Variants in LRRC36 observed in about 807,000 individuals in gnomAD.
LRRC36 encodes the protein leucine-rich repeat-containing protein 36.
A neutral mutation model predicts 81.1 loss-of-function variants in LRRC36; 62 were observed. That is an observed-to-expected ratio of 0.76 (90% confidence interval 0.62 to 0.94). The LOEUF (loss-of-function observed/expected upper bound fraction) is 0.94, where lower values mean the gene tolerates loss of function less well. Among genes scored for constraint, LRRC36 ranks in the 40% least tolerant of loss-of-function variants. The probability of loss-of-function intolerance (pLI) is 0.00; values close to 1 mark genes in which losing one functional copy is unlikely to be tolerated. For missense variants in LRRC36, 761 were observed against 881.7 expected, an observed-to-expected ratio of 0.86 and a Z score of 1.73; for synonymous variants, 334 against 348.6, an observed-to-expected ratio of 0.96 and a Z score of 0.47.
chr16:67,370,939 C>T lies in LRRC36; in HGVS notation c.1196-5C>T. On this transcript the variant is annotated splice_region_variant and splice_polypyrimidine_tract_variant and intron_variant, in intron 8 of 13. Coordinates refer to ENST00000329956, the MANE Select transcript of LRRC36 (RefSeq NM_018296.6). ...GGTTCATCTGTTAGCCTGTTTCCTC[C>T]ACAGATCTGTATGCCACAACCCATT... The T allele has an allele frequency of 6.2e-7, 1 of 1,608,614 alleles. No homozygotes were observed. The highest frequency in any genetic ancestry group is 8.5e-7 in the Non-Finnish European group (1 of 1,175,734).
intron 8 of LRRC36, 152 bp from the exon 9 acceptor site, chr16:67,370,792 G>T (rs1269259614): frequency 4.6e-6 from 3 of 656,534 alleles, no homozygotes; most frequent in African/African-American, 3.6e-5. Flanking sequence ...TGGACGGTTA[G>T]ATTTAACCAG....
At chr16:67,330,729 G>T (rs1357738065) in intron 1 of LRRC36, among the ~76,000 whole-genome samples, 2 of 152,092 alleles carry the variant, frequency 1.3e-5, no homozygotes, top group Admixed American at 6.6e-5. Context: ...GCCCGGCATG[G>T]TGGCAGGTGC....
In LRRC36 at chr16:67,326,843, C is replaced by T. The variant is rs780813837; in HGVS notation, c.-20C>T. On this transcript the variant is annotated 5_prime_UTR_variant, in exon 1 of 14. Coordinates refer to ENST00000329956, the MANE Select transcript of LRRC36 (RefSeq NM_018296.6). Reference sequence around the variant, plus strand: ...CGCCGGGTGGTCTCGCGGGCGGTGGCAGGTGAGCGGCGGGCGGGGATGGCG... The same window carrying T: ...CGCCGGGTGGTCTCGCGGGCGGTGGTAGGTGAGCGGCGGGCGGGGATGGCG... The T allele has an allele frequency of 1.5e-5, 22 of 1,420,974 alleles. No individual in the cohort carries two copies. The African/African-American group carries it at 3.0e-4, about 20-fold the overall frequency. 88.0% of individuals were successfully genotyped at this position (1,420,974 alleles called of 1,614,324 possible).
intron 8 of LRRC36, among the ~76,000 whole-genome samples, chr16:67,369,302 G>A (rs758873606): frequency 1.3e-5 from 2 of 152,146 alleles, no homozygotes; most frequent in Non-Finnish European, 2.9e-5. Context: ...AAGATAGAGG[G>A]GAAAAAGCCA....
At chr16:67,343,524 G>A (rs1184936069) in intron 2 of LRRC36, among the ~76,000 whole-genome samples, 1 of 151,834 alleles carries the variant, frequency 6.6e-6, no homozygotes, top group East Asian at 1.9e-4. Context: ...GTGAAACCCC[G>A]TCTCTACTAA....
chr16:67,338,236 A>G (rs1255846686), intron 1 of LRRC36, among the ~76,000 whole-genome samples: 1 of 152,148 alleles, frequency 6.6e-6, no homozygotes, highest in East Asian at 1.9e-4. Context: ...TTATGTTAAT[A>G]TAAATATTTC....
At position 67,350,228 on chromosome 16, in the gene LRRC36, G is replaced by C. The variant is rs1314858733; in HGVS notation, c.515G>C (p.Cys172Ser). The C allele has an allele frequency of 6.2e-7, 1 of 1,611,218 alleles. No homozygotes were observed. The highest frequency in any genetic ancestry group is 1.1e-5 in the South Asian group (1 of 90,962). The part of the protein sequence containing the change: ...KSSREKTMKN[C>S]VTGESSASKV... ...TCTAGGGAGAAGACAATGAAAAACT[G>C]TGTAACAGGTGAGAGCTCTGCATCA... is the stretch of plus-strand genomic sequence containing the variant. Residue 172 changes from cysteine to serine, a missense_variant, in exon 5 of 14, where the codon TGT (cysteine) becomes TCT (serine). Coordinates refer to ENST00000329956, the MANE Select transcript of LRRC36 (RefSeq NM_018296.6).
intron 2 of LRRC36, among the ~76,000 whole-genome samples, chr16:67,345,901 A>T (rs2038324358): frequency 6.6e-6 from 1 of 152,044 alleles, no homozygotes; most frequent in African/African-American, 2.4e-5. Context: ...AAAGTGAGAG[A>T]ATTCTAATGT....
intron 13 of LRRC36, 108 bp downstream of exon 13, chr16:67,382,355 A>C (rs2040144256): frequency 1.4e-6 from 1 of 721,548 alleles, no homozygotes; most frequent in South Asian, 1.9e-5. Flanking sequence ...AGTGAACTCC[A>C]TTCTGTGTGT....
intron 1 of LRRC36, among the ~76,000 whole-genome samples, chr16:67,341,077 T>G (rs1399717380): frequency 9.1e-6 from 1 of 109,646 alleles, no homozygotes; most frequent in Non-Finnish European, 1.8e-5. Flanking sequence ...GAATATGTAC[T>G]CTACATATTC....
intron 5 of LRRC36, among the ~76,000 whole-genome samples, chr16:67,361,047 T>A (rs2039121324): frequency 6.6e-6 from 1 of 152,214 alleles, no homozygotes; most frequent in Non-Finnish European, 1.5e-5. Context: ...AATCGTTCTC[T>A]CTTTCTTGTC....
chr16:67,362,362 C>G (rs2039192876), intron 5 of LRRC36: 1 of 322,312 alleles, frequency 3.1e-6, no homozygotes. Flanking sequence ...GGGATTTCAC[C>G]AGGCTGGCCA....
At chr16:67,372,708 T>C (rs1303212802) in intron 9 of LRRC36, among the ~76,000 whole-genome samples, 1 of 152,254 alleles carries the variant, frequency 6.6e-6, no homozygotes, top group Non-Finnish European at 1.5e-5. Flanking sequence ...TAGTTACTTA[T>C]TTTTCAGTTG....
At chr16:67,363,826 AT>A in intron 6 of LRRC36, 112 bp downstream of exon 6, 1 of 1,159,160 alleles carries the variant, frequency 8.6e-7, no homozygotes, top group Non-Finnish European at 1.2e-6. Context: ...TGATGAAGGC[AT>A]TTTAGACCCT....
chr16:67,364,402 T>C (rs1180678625), intron 6 of LRRC36, among the ~76,000 whole-genome samples: 1 of 152,210 alleles, frequency 6.6e-6, no homozygotes, highest in Non-Finnish European at 1.5e-5. Context: ...AGCAATAAAA[T>C]TGTAGAAAAT....
intron 12 of LRRC36, among the ~76,000 whole-genome samples, chr16:67,381,566 G>A (rs1045437849): frequency 8.5e-5 from 13 of 152,190 alleles, no homozygotes; most frequent in South Asian, 2.1e-4. Flanking sequence ...ACAGGGCTAA[G>A]GGGCAGGGTT....
chr16:67,384,781 C>A, intron 13 of LRRC36, 89 bp from the exon 14 acceptor site: 1 of 864,280 alleles, frequency 1.2e-6, no homozygotes, highest in Non-Finnish European at 1.9e-6. Context: ...GACTTCATTT[C>A]ACATTTGCCT....
chr16:67,344,202 A>G (rs889209983), intron 2 of LRRC36, among the ~76,000 whole-genome samples: 1 of 152,208 alleles, frequency 6.6e-6, no homozygotes, highest in African/African-American at 2.4e-5. Flanking sequence ...GATTATTTGT[A>G]GCGTAACTTT....
chr16:67,334,972 T>C (rs1217515856), intron 1 of LRRC36, among the ~76,000 whole-genome samples: 1 of 152,116 alleles, frequency 6.6e-6, no homozygotes, highest in Non-Finnish European at 1.5e-5. Context: ...GATCACATGC[T>C]TCACAAGGTA....
Sources: allele counts gnomAD v4.1 joint callset (sites outside exome capture counted in the v4.1 genomes callset), GRCh38; gene constraint gnomAD v4.1.1; transcripts MANE v1.5; gene names NCBI Gene and HGNC (gene_info 2026-07-23, HGNC 2026-07-21).